OGFRL1: variants seen among roughly 807,000 people sequenced by gnomAD.
OGFRL1 encodes opioid growth factor receptor-like protein 1.
Under a neutral mutation model 32.4 loss-of-function variants are expected in OGFRL1, and 26 were observed. The observed-to-expected ratio is 0.80, with a 90% confidence interval of 0.59 to 1.11. The LOEUF (loss-of-function observed/expected upper bound fraction) is 1.11. Among genes scored for constraint, OGFRL1 ranks in the 50% most tolerant of loss-of-function variants. The pLI, the probability that OGFRL1 is intolerant of heterozygous loss-of-function variation, is 0.00. For synonymous variants in OGFRL1, 211 were observed against 201.2 expected (o/e 1.05, Z -0.41); for missense variants, 521 against 546.4 (o/e 0.95, Z 0.46).
At position 71,296,796 on chromosome 6, in the gene OGFRL1, A is replaced by G. The variant is rs1766224997; in HGVS notation, c.671A>G (p.Glu224Gly). The G allele has an allele frequency of 6.2e-7, 1 of 1,613,230 alleles. No individual in the cohort carries two copies. The highest frequency in any genetic ancestry group is 8.5e-7 in the Non-Finnish European group (1 of 1,179,508). ...GTTGCTCGGGCTGTTAACTGGCAGG[A>G]AAGATTTCAGCATCTGAATGAGTAA... The part of the protein sequence containing the change: ...GNVARAVNWQ[E>G]RFQHLNESQH... Residue 224 changes from glutamate to glycine, a missense_variant, in exon 6 of 7, where the codon GAA (glutamate) becomes GGA (glycine). Coordinates refer to ENST00000370435, the MANE Select transcript of OGFRL1 (RefSeq NM_024576.5).
intron 1 of OGFRL1, chr6:71,289,683 G>A (rs184154842): frequency 1.9e-5 from 19 of 984,310 alleles, no homozygotes; most frequent in Non-Finnish European, 2.0e-5. Context: ...AAGTTCATAC[G>A]TCACTGTTCT....
chr6:71,288,946 C>G lies in OGFRL1; in HGVS notation c.10C>G (p.Leu4Val). ...CGCCGCCGCCTCTTCAATGGGCAAC[C>G]TGCTCGGCGGGGTCAGCTTCCGCGA... Reference protein sequence around the residue: MGNLLGGVSFREPT... With the variant: MGNVLGGVSFREPT... Residue 4 changes from leucine to valine, a missense_variant, in exon 1 of 7, where the codon CTG becomes GTG. Transcript: ENST00000370435. 1 of 1,374,314 alleles carries G rather than the reference C, an allele frequency of 7.3e-7. No individual in the cohort carries two copies. The highest frequency in any genetic ancestry group is 1.3e-5 in the South Asian group (1 of 77,030). 85.1% of individuals were successfully genotyped at this position (1,374,314 alleles called of 1,614,324 possible).
chr6:71,305,676 C>T lies in OGFRL1; in HGVS notation c.*3627C>T, dbSNP rs1766528861. On this transcript the variant is annotated 3_prime_UTR_variant, in exon 7 of 7. Transcript: ENST00000370435. ...TCATAGTCATTGTTTCATATTTTGT[C>T]ATATAAAATCACCTACCCTGCTTCT... 1 of 151,894 alleles carries T rather than the reference C, an allele frequency of 6.6e-6. No homozygotes were observed. The allele number at this position is 151,894 out of a possible 1,614,324, so 9.4% of individuals were successfully genotyped here. A position where few individuals can be genotyped will look rare whatever the true frequency, so the allele number is the denominator to read the frequency against.
chr6:71,289,177 G>T lies in OGFRL1; in HGVS notation c.234+7G>T. On this transcript the variant is annotated splice_region_variant and intron_variant, in intron 1 of 6. Transcript: ENST00000370435. ...GGCGGCGGGCGCCGAGCAGGTACGCGGCCCAGCGGTGGCCTCGGGTCGGGC... is the reference window on the plus strand; with the variant it reads ...GGCGGCGGGCGCCGAGCAGGTACGCTGCCCAGCGGTGGCCTCGGGTCGGGC... 2 of 1,068,730 alleles carry T rather than the reference G, an allele frequency of 1.9e-6. No homozygotes were observed. The highest frequency in any genetic ancestry group is 2.3e-6 in the Non-Finnish European group (2 of 886,420). 66.2% of individuals were successfully genotyped at this position (1,068,730 alleles called of 1,614,324 possible).
intron 1 of OGFRL1, chr6:71,289,385 G>T: frequency 2.4e-5 from 24 of 984,572 alleles, no homozygotes; most frequent in Non-Finnish European, 2.9e-5. Flanking sequence ...TGCCGGCCTG[G>T]GGCCTGGCCG....
intron 6 of OGFRL1, among the ~76,000 whole-genome samples, chr6:71,298,074 T>A (rs2149354975): frequency 6.6e-6 from 1 of 151,868 alleles, no homozygotes; most frequent in South Asian, 2.1e-4. Flanking sequence ...AGCCTTCTTT[T>A]TACTTTATTA....
rs1582563652 is a variant in OGFRL1, at chr6:71,303,173, A to T, written c.*1124A>T. On this transcript the variant is annotated 3_prime_UTR_variant, in exon 7 of 7. Coordinates refer to ENST00000370435, the MANE Select transcript of OGFRL1 (RefSeq NM_024576.5). ...AAACAATACAGTATAACAACTATTG[A>T]CATAGCATTTATATTGTATGTATTA... The T allele has an allele frequency of 6.6e-6, 1 of 152,232 alleles. No individual in the cohort carries two copies. Among genetic ancestry groups the T allele is most frequent in the Non-Finnish European group, 1.5e-5 (1 of 68,042 alleles). 9.4% of individuals were successfully genotyped at this position (152,232 alleles called of 1,614,324 possible). A position where few individuals can be genotyped will look rare whatever the true frequency, so the allele number is the denominator to read the frequency against.
chr6:71,289,157 C>T lies in OGFRL1; in HGVS notation c.221C>T (p.Ala74Val), dbSNP rs1381617328. The change falls in exon 1 of 7, where the codon GCG becomes GTG. Residue 74 changes from alanine to valine, a missense_variant. Physicochemically the swap from Ala to Val is moderately conservative, Grantham distance 64. Transcript: ENST00000370435. ...GCGCCGGACGAGGACGCCGAGGCGG[C>T]GGGCGCCGAGCAGGTACGCGGCCCA... ...SPAPDEDAEA[A>V]GAEQGGDSTE... 1 of 1,077,796 alleles carries T rather than the reference C, an allele frequency of 9.3e-7. No homozygotes were observed. Among genetic ancestry groups the T allele is most frequent in the Non-Finnish European group, 1.1e-6 (1 of 892,416 alleles). 66.8% of individuals were successfully genotyped at this position (1,077,796 alleles called of 1,614,324 possible).
chr6:71,295,787 T>G (rs1167063672), intron 3 of OGFRL1: 1 of 152,280 alleles, frequency 6.6e-6, no homozygotes, highest in African/African-American at 2.4e-5. Context: ...TTTTCTTCTA[T>G]TTCTACTCCC....
Position 71,301,578 on chromosome 6 carries a change from G to A in OGFRL1, c.885G>A (p.Lys295=), listed in dbSNP as rs146479750. ...TTAGAGACAGAAGAGAAAGGAGAAAGCTCCTGCGGTTCGCCCAGAAACACT... is the reference window on the plus strand; with the variant it reads ...TTAGAGACAGAAGAGAAAGGAGAAAACTCCTGCGGTTCGCCCAGAAACACT... ...YTIRDRRERR[K]LLRFAQKHYT... is the part of the protein sequence containing the mutation. Residue 295 remains lysine, a synonymous_variant, in exon 7 of 7, where the codon AAG becomes AAA. Transcript: ENST00000370435. 1.7e-5 allele frequency: 28 copies of A among 1,614,062 alleles called. No homozygotes were observed. The highest frequency in any genetic ancestry group is 3.4e-6 in the Non-Finnish European group (4 of 1,180,048).
In OGFRL1 at chr6:71,306,887, A is replaced by T. The variant is rs1336027873; in HGVS notation, c.*4838A>T. ...TAGAATTATGTTAGAGAAATTATTAAAAGTTTAATTCCAGTAGGCAGTTGG... is the reference window on the plus strand; with the variant it reads ...TAGAATTATGTTAGAGAAATTATTATAAGTTTAATTCCAGTAGGCAGTTGG... On this transcript the variant is annotated 3_prime_UTR_variant, in exon 7 of 7. Coordinates refer to ENST00000370435, the MANE Select transcript of OGFRL1 (RefSeq NM_024576.5). 1 of 152,238 alleles carries T rather than the reference A, an allele frequency of 6.6e-6. No individual in the cohort carries two copies. Among genetic ancestry groups the T allele is most frequent in the African/African-American group, 2.4e-5 (1 of 41,466 alleles). The allele number at this position is 152,238 out of a possible 1,614,324, so 9.4% of individuals were successfully genotyped here. A position where few individuals can be genotyped will look rare whatever the true frequency, so the allele number is the denominator to read the frequency against.
intron 1 of OGFRL1, among the ~76,000 whole-genome samples, chr6:71,290,630 A>C (rs1219421410): frequency 1.3e-5 from 2 of 152,204 alleles, no homozygotes; most frequent in African/African-American, 2.4e-5. Flanking sequence ...TGACTTCCCC[A>C]AAAAATCTGC....
intron 3 of OGFRL1, 89 bp downstream of exon 3, chr6:71,293,700 A>T: frequency 3.2e-6 from 3 of 931,310 alleles, no homozygotes; most frequent in Non-Finnish European, 5.1e-6. Context: ...CATTGATTGG[A>T]TTTACTTTGC....
chr6:71,299,232 C>T (rs1284245657), intron 6 of OGFRL1, among the ~76,000 whole-genome samples: 1 of 152,130 alleles, frequency 6.6e-6, no homozygotes, highest in Non-Finnish European at 1.5e-5. Context: ...TACCCTTAAC[C>T]TCTGTCTGGA....
At position 71,308,852 on chromosome 6, in the gene OGFRL1, A is replaced by G. The variant is rs1766633407; in HGVS notation, c.*6803A>G. On this transcript the variant is annotated 3_prime_UTR_variant, in exon 7 of 7. Transcript: ENST00000370435. ...TGCCAAATATACATCCTGTAAAACT[A>G]ATAAAAGCCACTCCATCTTAGATAA... The G allele has an allele frequency of 6.6e-6, 1 of 152,214 alleles. No homozygotes were observed. The highest frequency in any genetic ancestry group is 2.4e-5 in the African/African-American group (1 of 41,460). 9.4% of individuals were successfully genotyped at this position (152,214 alleles called of 1,614,324 possible). A position where few individuals can be genotyped will look rare whatever the true frequency, so the allele number is the denominator to read the frequency against.
Position 71,305,851 on chromosome 6 carries a change from A to G in OGFRL1, c.*3802A>G, listed in dbSNP as rs1766535236. ...AATTGGGTTAACCAATGGGGGGAGA[A>G]TATTTGGTTAATTGTTTTAATATTA... is the stretch of plus-strand genomic sequence containing the variant. On this transcript the variant is annotated 3_prime_UTR_variant, in exon 7 of 7. Coordinates refer to ENST00000370435, the MANE Select transcript of OGFRL1 (RefSeq NM_024576.5). The G allele has an allele frequency of 6.6e-6, 1 of 152,142 alleles. No homozygotes were observed. The highest frequency in any genetic ancestry group is 6.6e-5 in the Admixed American group (1 of 15,266). The allele number at this position is 152,142 out of a possible 1,614,324, so 9.4% of individuals were successfully genotyped here.
chr6:71,291,810 G>C (rs958170649), intron 1 of OGFRL1: 8 of 152,162 alleles, frequency 5.3e-5, no homozygotes, highest in African/African-American at 1.9e-4. Flanking sequence ...CTAGTCTTCT[G>C]ACTCCAAGTC....
rs1014949355 is a variant in OGFRL1 at position 71,289,119 on chromosome 6, C to G, written c.183C>G (p.Pro61=). 8 of 1,108,762 alleles carry G rather than the reference C, an allele frequency of 7.2e-6. No individual in the cohort carries two copies. The highest frequency in any genetic ancestry group is 5.0e-5 in the African/African-American group (3 of 59,578). The allele number at this position is 1,108,762 out of a possible 1,614,324, so 68.7% of individuals were successfully genotyped here. The change falls in exon 1 of 7, where the codon CCC becomes CCG. Residue 61 remains proline, a synonymous_variant. Transcript: ENST00000370435. ...CCCCGGAGCAAGCCGGCGGGCGGCC[C>G]GGCGCCAGCCCCGCGCCGGACGAGG... ...AQPPEQAGGR[P]GASPAPDEDA...
intron 3 of OGFRL1, 44 bp downstream of exon 3, chr6:71,293,655 A>C (rs1328655667): frequency 1.6e-6 from 2 of 1,256,280 alleles, no homozygotes; most frequent in Non-Finnish European, 2.3e-6. Context: ...AAATAATCAC[A>C]TACACTTGGT....
Sources: gnomAD v4.1 joint callset for allele counts (sites outside exome capture counted in the v4.1 genomes callset) on GRCh38, gnomAD v4.1.1 for gene constraint, MANE v1.5 for transcripts, NCBI Gene and HGNC (gene_info 2026-07-23, HGNC 2026-07-21) for gene names.